Variants in REEP3 observed in about 807,000 individuals in gnomAD.
REEP3 encodes receptor accessory protein 3.
REEP3 carries 20 observed loss-of-function variants against 41.3 expected under a neutral mutation model. The observed-to-expected ratio is 0.48, with a 90% CI of 0.34 to 0.70. REEP3 has a LOEUF of 0.70. REEP3 is among the 30% of genes least tolerant of loss of function. The probability of loss-of-function intolerance (pLI) is 0.01; values close to 1 mark genes in which losing one functional copy is unlikely to be tolerated. For missense variants in REEP3, 271 were observed against 308.8 expected (o/e 0.88, Z 0.92); for synonymous variants, 104 against 101.8 (o/e 1.02, Z -0.13).
At chr10:63,537,709 G>GT (rs1351972445) in intron 1 of REEP3, among the ~76,000 whole-genome samples, 2 of 152,188 alleles carry the variant, frequency 1.3e-5, no homozygotes, top group Admixed American at 1.3e-4. Context: ...TCTTCCTGGT[G>GT]TAGAGGCCAG....
chr10:63,532,436 G>A (rs1464189221), intron 1 of REEP3, among the ~76,000 whole-genome samples: 1 of 152,240 alleles, frequency 6.6e-6, no homozygotes, highest in East Asian at 1.9e-4. Context: ...GCCGAGGTGG[G>A]TGGATCATGA....
At chr10:63,610,009 G>A (rs1956265498) in intron 5 of REEP3, among the ~76,000 whole-genome samples, 178 bp from the exon 6 acceptor site, 1 of 152,124 alleles carries the variant, frequency 6.6e-6, no homozygotes, top group Non-Finnish European at 1.5e-5. Context: ...ATGAATTCAT[G>A]GATAGGTAGA....
intron 2 of REEP3, among the ~76,000 whole-genome samples, chr10:63,578,390 G>A (rs960710030): frequency 2.8e-4 from 43 of 152,216 alleles, no homozygotes; most frequent in East Asian, 1.5e-3. Context: ...GGGCCACAGC[G>A]CCCACCCGAT....
chr10:63,586,539 A>G (rs1339455338), intron 2 of REEP3, among the ~76,000 whole-genome samples: 1 of 152,166 alleles, frequency 6.6e-6, no homozygotes, highest in African/African-American at 2.4e-5. Context: ...AGTCACAAAA[A>G]ATATAGTAGG....
intron 5 of REEP3, among the ~76,000 whole-genome samples, chr10:63,606,988 G>A (rs891956567): frequency 4.6e-5 from 7 of 152,282 alleles, no homozygotes; most frequent in East Asian, 1.9e-4. Flanking sequence ...TCCACTTACC[G>A]TTAATATAGC....
rs569571125 is a variant in REEP3 at position 63,614,620 on chromosome 10, G to T, written c.565+4286G>T. Among the ~76,000 whole-genome samples the T allele has an allele frequency of 7.2e-5, 11 of 152,294 alleles. No individual in the cohort carries two copies. The South Asian group carries it at 2.3e-3, about 32-fold the overall frequency. On this transcript the variant is annotated intron_variant, in intron 6 of 7. Transcript: ENST00000373758. ...CAGGCCAGTGTGCCGAGAGAAACTT[G>T]CAGAAGTCCTAGAAGCAGCATCACT...
chr10:63,612,237 C>T (rs1002681677), intron 6 of REEP3, among the ~76,000 whole-genome samples: 3 of 152,016 alleles, frequency 2.0e-5, no homozygotes, highest in Non-Finnish European at 2.9e-5. Context: ...TGCGGTGGTA[C>T]GATCTTGGCT....
In REEP3 at chr10:63,619,704, A is replaced by C. The variant is rs754448456; in HGVS notation, c.615A>C (p.Ala205=). ...KDGDEKTDEE[A]EGPYSDNEML... ...GAGATGAGAAAACAGATGAAGAAGC[A>C]GAGGGGCCATATTCAGATAATGAGA... Residue 205 remains alanine (A), a synonymous_variant, in exon 7 of 8, where the codon GCA becomes GCC. Coordinates refer to ENST00000373758, the MANE Select transcript of REEP3 (RefSeq NM_001001330.3). The C allele has an allele frequency of 1.2e-6, 2 of 1,606,396 alleles. No individual in the cohort carries two copies. The highest frequency in any genetic ancestry group is 1.7e-4 in the Middle Eastern group (1 of 6,060).
At chr10:63,582,710 A>C (rs1415418498) in intron 2 of REEP3, among the ~76,000 whole-genome samples, 1 of 152,006 alleles carries the variant, frequency 6.6e-6, no homozygotes, top group Non-Finnish European at 1.5e-5. Context: ...TCCGTCAGTG[A>C]AGTGTCCCTT....
intron 5 of REEP3, among the ~76,000 whole-genome samples, chr10:63,609,171 G>C (rs533975904): frequency 6.6e-6 from 1 of 152,232 alleles, no homozygotes; most frequent in South Asian, 2.1e-4. Flanking sequence ...AGTTGCCCTT[G>C]GCCGGGCACG....
chr10:63,566,385 T>C lies in REEP3; in HGVS notation c.80T>C (p.Val27Ala). ...CCTGCATATTATTCATACAAAGCTG[T>C]GAAAACAAAAAACGTGAAGGAATAT... is the stretch of plus-strand genomic sequence containing the variant. ...LYPAYYSYKA[V>A]KTKNVKEYVR... Residue 27 changes from valine (V) to alanine (A), a missense_variant, in exon 2 of 8, where the codon GTG becomes GCG. Transcript: ENST00000373758. 1 of 1,550,318 alleles carries C rather than the reference T, an allele frequency of 6.5e-7. No individual in the cohort carries two copies. The highest frequency in any genetic ancestry group is 8.7e-7 in the Non-Finnish European group (1 of 1,143,002).
chr10:63,534,513 G>A (rs1039401941), intron 1 of REEP3, among the ~76,000 whole-genome samples: 1 of 152,216 alleles, frequency 6.6e-6, no homozygotes, highest in African/African-American at 2.4e-5. Flanking sequence ...GTCTCCCAAA[G>A]TGATGGAATT....
In REEP3 at chr10:63,600,046, A is replaced by G. The variant is rs147690474; in HGVS notation, c.417+763A>G. Among the ~76,000 whole-genome samples the G allele has an allele frequency of 9.4e-3, 1,435 of 152,336 alleles. 24 individuals are homozygous for G. The highest frequency in any genetic ancestry group is 0.032 in the African/African-American group (1,348 of 41,580). On this transcript the variant is annotated intron_variant, in intron 5 of 7. Coordinates refer to ENST00000373758, the MANE Select transcript of REEP3 (RefSeq NM_001001330.3). ...TGCATATAGTAGGAGCCCAATAAAC[A>G]TAAATATCATGTGTCTATCTCCATT...
intron 5 of REEP3, among the ~76,000 whole-genome samples, chr10:63,603,079 T>G (rs995281514): frequency 6.6e-6 from 1 of 151,330 alleles, no homozygotes; most frequent in Non-Finnish European, 1.5e-5. Context: ...TTTGGGAGGC[T>G]GAGGCGGGCG....
In REEP3 at chr10:63,543,388, T is replaced by C. The variant is rs530611478; in HGVS notation, c.32+21811T>C. Among the ~76,000 whole-genome samples the C allele has an allele frequency of 2.6e-5, 4 of 151,976 alleles. No homozygotes were observed. The South Asian group carries it at 8.3e-4, about 32-fold the overall frequency. On this transcript the variant is annotated intron_variant, in intron 1 of 7. Coordinates refer to ENST00000373758, the MANE Select transcript of REEP3 (RefSeq NM_001001330.3). ...ATGACTCACTACAGCCACCATCTCCTGGGCTCAAGCCATCCTTCTGACTCA... is the reference window on the plus strand; with the variant it reads ...ATGACTCACTACAGCCACCATCTCCCGGGCTCAAGCCATCCTTCTGACTCA...
At chr10:63,594,910 A>G in intron 3 of REEP3, 56 bp downstream of exon 3, 7 of 1,078,306 alleles carry the variant, frequency 6.5e-6, no homozygotes, top group Non-Finnish European at 8.6e-6. Flanking sequence ...AGGTGTCCTA[A>G]GTTCTTATCC....
At chr10:63,590,708 C>T (rs538295217) in intron 2 of REEP3, among the ~76,000 whole-genome samples, 1 of 152,170 alleles carries the variant, frequency 6.6e-6, no homozygotes, top group South Asian at 2.1e-4. Flanking sequence ...TGACAAGGGC[C>T]AAAGGGACTT....
In REEP3 at chr10:63,620,936, T is replaced by C. The variant is rs1271496055; in HGVS notation, c.*67T>C. 8 of 986,504 alleles carry C rather than the reference T, an allele frequency of 8.1e-6. No individual in the cohort carries two copies. The highest frequency in any genetic ancestry group is 6.2e-6 in the Non-Finnish European group (4 of 640,316). 61.1% of individuals were successfully genotyped at this position (986,504 alleles called of 1,614,324 possible). On this transcript the variant is annotated 3_prime_UTR_variant, in exon 8 of 8. Transcript: ENST00000373758. ...ACATCGACTTCATCTTCTAACATGA[T>C]ATATTCAGGATTTACACATTAAAAT... is the stretch of plus-strand genomic sequence containing the variant.
intron 2 of REEP3, among the ~76,000 whole-genome samples, chr10:63,571,899 T>G (rs1955855848): frequency 6.6e-6 from 1 of 152,228 alleles, no homozygotes; most frequent in South Asian, 2.1e-4. Flanking sequence ...TTTTATTCAT[T>G]CTATTCTACC....
Sources: gnomAD v4.1 joint callset for allele counts (sites outside exome capture counted in the v4.1 genomes callset) on GRCh38, gnomAD v4.1.1 for gene constraint, MANE v1.5 for transcripts, NCBI Gene and HGNC (gene_info 2026-07-23, HGNC 2026-07-21) for gene names.